The following CRK variants were observed in gnomAD, a reference collection of about 807,000 sequenced individuals.
The protein encoded by CRK is CRK proto-oncogene, adaptor protein, also known as adapter molecule crk.
CRK carries 4 observed loss-of-function variants against 29.8 expected under a neutral mutation model. The ratio of observed to expected loss-of-function variants is 0.13; its 90% CI spans 0.07 to 0.31. The LOEUF (loss-of-function observed/expected upper bound fraction) is 0.31, where lower values mean the gene tolerates loss of function less well. CRK is among the 10% of genes least tolerant of loss of function. The pLI is 1.00. For synonymous variants in CRK, 153 were observed against 164.9 expected (o/e 0.93, Z 0.55); for missense variants, 274 against 396.5 (o/e 0.69, Z 2.62).
intron 1 of CRK, among the ~76,000 whole-genome samples, chr17:1,440,465 A>C (rs1252981814): frequency 5.9e-5 from 9 of 151,918 alleles, no homozygotes; most frequent in Middle Eastern, 3.4e-3. Flanking sequence ...CTTGACTCTT[A>C]AAAAAAGAAA....
Position 1,436,593 on chromosome 17 carries a change from TCTTTCTA to T in CRK, c.777+20_777+26del. 6.4e-7 allele frequency: 1 copy of T among 1,568,658 alleles called. No individual in the cohort carries two copies. Among genetic ancestry groups the T allele is most frequent in the Non-Finnish European group, 8.6e-7 (1 of 1,162,708 alleles). On this transcript the variant is annotated intron_variant, in intron 2 of 2. Transcript: ENST00000300574. ...AGAGGAGACCCTGCAGCAGATCTCT[TCTTTCTA>T]CATTGTGCACGTTATGTACCTCCAA...
At chr17:1,449,375 G>GC (rs772353174) in intron 1 of CRK, among the ~76,000 whole-genome samples, 13 of 152,140 alleles carry the variant, frequency 8.5e-5, no homozygotes, top group Non-Finnish European at 1.8e-4. Context: ...TGCTTCAAAA[G>GC]CCCCCACACC....
At chr17:1,454,026 C>T (rs2074037970) in intron 1 of CRK, among the ~76,000 whole-genome samples, 1 of 151,814 alleles carries the variant, frequency 6.6e-6, no homozygotes, top group African/African-American at 2.4e-5. Flanking sequence ...CCTGGTAAAA[C>T]CCCATCTCTA....
At chr17:1,425,524 AGCTGAGACTACAGGTGCAC>A (rs1179940902) in intron 2 of CRK, among the ~76,000 whole-genome samples, 1 of 152,196 alleles carries the variant, frequency 6.6e-6, no homozygotes, top group Non-Finnish European at 1.5e-5. Context: ...CCTCCCGAGT[AGCTGAGACTACAGGTGCAC>A]GCCACCATGC....
At chr17:1,435,839 C>G (rs1392515253) in intron 2 of CRK, among the ~76,000 whole-genome samples, 1 of 151,960 alleles carries the variant, frequency 6.6e-6, no homozygotes, top group South Asian at 2.1e-4. Context: ...AGCTTTTACA[C>G]TGAACCATCA....
chr17:1,438,202 T>A (rs1463781939), intron 1 of CRK, among the ~76,000 whole-genome samples: 2 of 152,126 alleles, frequency 1.3e-5, no homozygotes, highest in Non-Finnish European at 2.9e-5. Flanking sequence ...CAATCACAGC[T>A]TACTGCAGCC....
chr17:1,427,126 GAA>G (rs764041078), intron 2 of CRK, among the ~76,000 whole-genome samples: 1 of 105,978 alleles, frequency 9.4e-6, no homozygotes, highest in African/African-American at 3.4e-5. Context: ...TGTGTCTCTT[GAA>G]AAAAAAAAAA....
At chr17:1,453,019 G>A (rs1486442208) in intron 1 of CRK, among the ~76,000 whole-genome samples, 1 of 152,152 alleles carries the variant, frequency 6.6e-6, no homozygotes, top group Non-Finnish European at 1.5e-5. Context: ...GAAGTGGGAG[G>A]ATGGCTTGAG....
chr17:1,456,017 A>T lies in CRK; in HGVS notation c.101T>A (p.Val34Glu), dbSNP rs773880876. 1 of 1,597,264 alleles carries T rather than the reference A, an allele frequency of 6.3e-7. No individual in the cohort carries two copies. Among genetic ancestry groups the T allele is most frequent in the Non-Finnish European group, 8.5e-7 (1 of 1,173,768 alleles). ...VALLQGQRHG[V>E]FLVRDSSTSP... The stretch of plus-strand genomic sequence containing the variant: ...GGTGCTCGAGTCCCGCACCAGGAAC[A>T]CCCCGTGCCGCTGGCCCTGCAGCAG... Residue 34 changes from valine (V) to glutamate (E), a missense_variant, in exon 1 of 3, where the codon GTG (valine) becomes GAG (glutamate). Transcript: ENST00000300574.
intron 2 of CRK, among the ~76,000 whole-genome samples, chr17:1,435,683 AT>A (rs577592486): frequency 0.011 from 1,572 of 147,306 alleles, 25 homozygotes; most frequent in African/African-American, 0.03. Flanking sequence ...ACGCCTGGTG[AT>A]TTTTTTTTTT....
At chr17:1,454,326 A>T (rs1209059805) in intron 1 of CRK, among the ~76,000 whole-genome samples, 1 of 152,190 alleles carries the variant, frequency 6.6e-6, no homozygotes, top group East Asian at 1.9e-4. Flanking sequence ...GGATCACCTG[A>T]GGTCAGGAGT....
intron 2 of CRK, among the ~76,000 whole-genome samples, chr17:1,436,307 A>T (rs1372697712): frequency 6.6e-6 from 1 of 152,200 alleles, no homozygotes; most frequent in Non-Finnish European, 1.5e-5. Flanking sequence ...AAAGCAAGAA[A>T]CAGATGAGGA....
intron 1 of CRK, among the ~76,000 whole-genome samples, chr17:1,442,150 C>T (rs1448548358): frequency 9.2e-6 from 1 of 108,678 alleles, no homozygotes; most frequent in Non-Finnish European, 1.9e-5. Context: ...AGCCAGGGCG[C>T]CCGGCCTGTT....
At chr17:1,449,766 C>T (rs919523394) in intron 1 of CRK, among the ~76,000 whole-genome samples, 2 of 152,164 alleles carry the variant, frequency 1.3e-5, no homozygotes, top group African/African-American at 4.8e-5. Flanking sequence ...CTTGGCCAAG[C>T]CCTTCCTTAT....
chr17:1,451,492 A>C (rs566939856), intron 1 of CRK, among the ~76,000 whole-genome samples: 25 of 151,980 alleles, frequency 1.6e-4, no homozygotes, highest in African/African-American at 5.5e-4. Flanking sequence ...TTGGCCTCTC[A>C]AAGTGCTGGA....
intron 1 of CRK, among the ~76,000 whole-genome samples, chr17:1,441,440 C>T (rs763000652): frequency 6.6e-6 from 1 of 152,000 alleles, no homozygotes; most frequent in Non-Finnish European, 1.5e-5. Context: ...GATATTCTCC[C>T]ACCTCAGCCT....
At position 1,451,807 on chromosome 17, in the gene CRK, C is replaced by T. The variant is rs375393484; in HGVS notation, c.241+4070G>A. On this transcript the variant is annotated intron_variant, in intron 1 of 2. Transcript: ENST00000300574. ...CAGCCTGGCCAACATGGTGAAACCCCGTGTCTACTAAAAATACAAAAAAAA... is the reference window on the plus strand; with the variant it reads ...CAGCCTGGCCAACATGGTGAAACCCTGTGTCTACTAAAAATACAAAAAAAA... Among the ~76,000 whole-genome samples, 60 of 151,766 alleles carry T rather than the reference C, an allele frequency of 4.0e-4. No homozygotes were observed. In the Middle Eastern group the frequency reaches 0.014, roughly 35 times the overall value.
At chr17:1,427,399 C>T (rs918054436) in intron 2 of CRK, among the ~76,000 whole-genome samples, 2 of 151,834 alleles carry the variant, frequency 1.3e-5, no homozygotes, top group Admixed American at 6.6e-5. Flanking sequence ...CCAGACCATC[C>T]TGGCTAACAC....
At chr17:1,429,198 C>CT (rs995283208) in intron 2 of CRK, among the ~76,000 whole-genome samples, 33 of 149,578 alleles carry the variant, frequency 2.2e-4, no homozygotes, top group African/African-American at 5.2e-4. Flanking sequence ...AAATCTAAAA[C>CT]TTTTTTTTTT....
Sources: allele counts gnomAD v4.1 joint callset (sites outside exome capture counted in the v4.1 genomes callset), GRCh38; gene constraint gnomAD v4.1.1; transcripts MANE v1.5; gene names NCBI Gene and HGNC (gene_info 2026-07-23, HGNC 2026-07-21).